Variants in EIF3F observed in about 807,000 individuals in gnomAD.
EIF3F encodes the protein deubiquitinating enzyme eIF3f.
EIF3F carries 8 observed loss-of-function variants against 36.0 expected under a neutral mutation model. That is an observed-to-expected ratio of 0.22 (90% CI 0.13 to 0.40). The LOEUF (loss-of-function observed/expected upper bound fraction) is 0.40, where lower values mean the gene tolerates loss of function less well. EIF3F is among the 10% of genes least tolerant of loss of function. The pLI, the probability that EIF3F is intolerant of heterozygous loss-of-function variation, is 1.00. For missense variants in EIF3F, 430 were observed against 467.6 expected (o/e 0.92, Z 0.74); for synonymous variants, 184 against 188.5 (o/e 0.98, Z 0.19).
At chr11:7,990,858 G>A (rs546037020) in intron 1 of EIF3F, among the ~76,000 whole-genome samples, 7 of 136,056 alleles carry the variant, frequency 5.1e-5, no homozygotes, top group African/African-American at 1.9e-4. Flanking sequence ...AGAAACAAAT[G>A]TAGTGGGAAT....
intron 5 of EIF3F, 134 bp from the exon 6 acceptor site, chr11:7,994,848 C>T (rs980721399): frequency 7.7e-7 from 1 of 1,295,896 alleles, no homozygotes; most frequent in Non-Finnish European, 1.1e-6. Context: ...TGTGACTGAG[C>T]AGACTGAGTC....
In EIF3F at chr11:7,995,411, C is replaced by T. The variant is rs201575950; in HGVS notation, c.996+44C>T. 3 of 1,428,128 alleles carry T rather than the reference C, an allele frequency of 2.1e-6. No individual in the cohort carries two copies. The African/African-American group carries it at 4.2e-5, about 20-fold the overall frequency. 88.5% of individuals were successfully genotyped at this position (1,428,128 alleles called of 1,614,324 possible). On this transcript the variant is annotated intron_variant, in intron 7 of 7. Transcript: ENST00000651655. ...CCCCTTCTTGCCTGGTTTCTTCCCCCACCTCAGCACATACACTCAAATGTG... is the reference window on the plus strand; with the variant it reads ...CCCCTTCTTGCCTGGTTTCTTCCCCTACCTCAGCACATACACTCAAATGTG...
At chr11:7,988,538 A>G (rs1436228386) in intron 1 of EIF3F, among the ~76,000 whole-genome samples, 1 of 152,242 alleles carries the variant, frequency 6.6e-6, no homozygotes, top group Non-Finnish European at 1.5e-5. Flanking sequence ...GATTGTTGAT[A>G]ATAAATTCCT....
In EIF3F at chr11:7,995,000, C is replaced by T; in HGVS notation, c.764C>T (p.Thr255Ile). 1 of 1,613,458 alleles carries T rather than the reference C, an allele frequency of 6.2e-7. No homozygotes were observed. The highest frequency in any genetic ancestry group is 8.5e-7 in the Non-Finnish European group (1 of 1,179,840). The change falls in exon 6 of 8, where the codon ACC becomes ATC. Residue 255 changes from threonine (T) to isoleucine (I), a missense_variant. Transcript: ENST00000651655. The part of the protein sequence containing the change: ...ERIGVDLIMK[T>I]CFSPNRVIGL... The stretch of plus-strand genomic sequence containing the variant: ...TCCATAGTTGACCTGATCATGAAGA[C>T]CTGCTTTAGCCCCAACAGAGTGATT...
rs1243453365 is a variant in EIF3F at position 7,990,404 on chromosome 11, G to A, written c.365-1377G>A. ...TTAATTCTGCCTTTGTAGCAAGAAAGCAGCCATAAAAAAATTGGCGTGTAA... is the reference window on the plus strand; with the variant it reads ...TTAATTCTGCCTTTGTAGCAAGAAAACAGCCATAAAAAAATTGGCGTGTAA... On this transcript the variant is annotated intron_variant, in intron 1 of 7. Coordinates refer to ENST00000651655, the MANE Select transcript of EIF3F (RefSeq NM_003754.3). Among the ~76,000 whole-genome samples the A allele has an allele frequency of 4.6e-5, 7 of 151,752 alleles. No individual in the cohort carries two copies. The East Asian group carries it at 1.2e-3, about 25-fold the overall frequency.
Position 7,996,298 on chromosome 11 carries a change from A to G in EIF3F, c.*276A>G, listed in dbSNP as rs1459744488. ...TGTTTGGCATGTTACTGTTTTACCA[A>G]ACTGTTCTTTTGGTTTTCAATATGG... On this transcript the variant is annotated 3_prime_UTR_variant, in exon 8 of 8. Transcript: ENST00000651655. The G allele has an allele frequency of 3.4e-6, 1 of 296,436 alleles. No homozygotes were observed. Among genetic ancestry groups the G allele is most frequent in the South Asian group, 9.1e-5 (1 of 11,042 alleles). The allele number at this position is 296,436 out of a possible 1,614,324, so 18.4% of individuals were successfully genotyped here.
In EIF3F at chr11:8,001,387, A is replaced by G. The variant is rs1564889138; in HGVS notation, c.*5365A>G. 2 of 152,200 alleles carry G rather than the reference A, an allele frequency of 1.3e-5. No individual in the cohort carries two copies. The highest frequency in any genetic ancestry group is 2.1e-4 in the South Asian group (1 of 4,834). The allele number at this position is 152,200 out of a possible 1,614,324, so 9.4% of individuals were successfully genotyped here. A position where few individuals can be genotyped will look rare whatever the true frequency, so the allele number is the denominator to read the frequency against. ...TCCACTCCTCATTATATATCCTACAAATAAACTGGTCTCGTTATGACACAA... is the reference window on the plus strand; with the variant it reads ...TCCACTCCTCATTATATATCCTACAGATAAACTGGTCTCGTTATGACACAA... On this transcript the variant is annotated 3_prime_UTR_variant, in exon 8 of 8. Coordinates refer to ENST00000651655, the MANE Select transcript of EIF3F (RefSeq NM_003754.3).
At chr11:7,987,790 A>G in intron 1 of EIF3F, 74 bp downstream of exon 1, 1 of 1,386,860 alleles carries the variant, frequency 7.2e-7, no homozygotes, top group Non-Finnish European at 9.4e-7. Context: ...TAACTCATTA[A>G]TTCTTTAATT....
In EIF3F at chr11:7,995,232, G is replaced by C. The variant is rs186189184; in HGVS notation, c.883-22G>C. The C allele has an allele frequency of 1.0e-4, 165 of 1,611,062 alleles. No homozygotes were observed. The African/African-American group carries it at 1.9e-3, about 19-fold the overall frequency. On this transcript the variant is annotated intron_variant, in intron 6 of 7. Coordinates refer to ENST00000651655, the MANE Select transcript of EIF3F (RefSeq NM_003754.3). Reference sequence around the variant, plus strand: ...AGTGGTTATAATTAACTGCCTCATCGAGTCTTTGTTTTGGTACTCAGTCTG... The same window carrying C: ...AGTGGTTATAATTAACTGCCTCATCCAGTCTTTGTTTTGGTACTCAGTCTG...
rs1942098769 is a variant in EIF3F, at chr11:7,991,837, G to C, written c.421G>C (p.Glu141Gln). The change falls in exon 2 of 8, where the codon GAG (glutamate) becomes CAG (glutamine). Residue 141 changes from glutamate to glutamine, a missense_variant. Coordinates refer to ENST00000651655, the MANE Select transcript of EIF3F (RefSeq NM_003754.3). ...CAATTGCTTTTCAGTGCCGCACAAT[G>C]AGTCAGAAGATGAAGTGAGTGGGAA... ...VTNCFSVPHN[E>Q]SEDEVAVDME... The C allele has an allele frequency of 6.2e-7, 1 of 1,614,066 alleles. No homozygotes were observed.
Position 7,987,812 on chromosome 11 carries a change from A to G in EIF3F, c.364+96A>G, listed in dbSNP as rs995499652. ...TTAATTCTTTAATTCCTGGTGTCCT[A>G]CCGTCCTTTCCTCCCATCCCCAATG... On this transcript the variant is annotated intron_variant, in intron 1 of 7. Transcript: ENST00000651655. The G allele has an allele frequency of 1.2e-5, 17 of 1,373,494 alleles. No individual in the cohort carries two copies. In the East Asian group the frequency reaches 2.4e-4, roughly 19 times the overall value. 85.1% of individuals were successfully genotyped at this position (1,373,494 alleles called of 1,614,324 possible).
Position 7,991,765 on chromosome 11 carries a change from A to G in EIF3F, c.365-16A>G. ...CCTAGGATTATATAACACATGGACG[A>G]TTCTCTCTTTCACAGGAACTGTCGA... is the stretch of plus-strand genomic sequence containing the variant. On this transcript the variant is annotated splice_polypyrimidine_tract_variant and intron_variant, in intron 1 of 7. Transcript: ENST00000651655. 6.2e-7 allele frequency: 1 copy of G among 1,614,068 alleles called. No homozygotes were observed.
Position 7,995,603 on chromosome 11 carries a change from C to G in EIF3F, c.996+236C>G, listed in dbSNP as rs1430056906. ...TCATTTACTGCTGATACTACTGTGA[C>G]TTACTGTCTAAATTCGTGATGGAAA... On this transcript the variant is annotated intron_variant, in intron 7 of 7. Transcript: ENST00000651655. The G allele has an allele frequency of 6.8e-6, 4 of 588,338 alleles. No individual in the cohort carries two copies. The African/African-American group carries it at 7.5e-5, about 11-fold the overall frequency. The allele number at this position is 588,338 out of a possible 1,614,324, so 36.4% of individuals were successfully genotyped here.
Position 7,991,766 on chromosome 11 carries a change from T to C in EIF3F, c.365-15T>C, listed in dbSNP as rs1942098030. 3 of 1,614,036 alleles carry C rather than the reference T, an allele frequency of 1.9e-6. No homozygotes were observed. The highest frequency in any genetic ancestry group is 2.5e-6 in the Non-Finnish European group (3 of 1,179,894). ...CTAGGATTATATAACACATGGACGA[T>C]TCTCTCTTTCACAGGAACTGTCGAC... On this transcript the variant is annotated splice_polypyrimidine_tract_variant and intron_variant, in intron 1 of 7. Transcript: ENST00000651655.
At chr11:7,993,336 G>C (rs751666593) in intron 4 of EIF3F, among the ~76,000 whole-genome samples, 2 of 152,118 alleles carry the variant, frequency 1.3e-5, no homozygotes, top group Non-Finnish European at 1.5e-5. Context: ...TGGTATTCTT[G>C]TCATGATCCT....
In EIF3F at chr11:7,987,402, C is replaced by A. The variant is rs758048186; in HGVS notation, c.50C>A (p.Pro17Gln). 5.7e-5 allele frequency: 91 copies of A among 1,600,716 alleles called. No individual in the cohort carries two copies. In the East Asian group the frequency reaches 8.7e-4, roughly 15 times the overall value. The change falls in exon 1 of 8, where the codon CCA (proline) becomes CAA (glutamine). Residue 17 changes from proline to glutamine, a missense_variant. Coordinates refer to ENST00000651655, the MANE Select transcript of EIF3F (RefSeq NM_003754.3). Reference protein sequence around the residue: ...PVSAPPATPTPVPAAAPASVP... With the variant: ...PVSAPPATPTQVPAAAPASVP... ...AGTGCTCCTCCGGCCACGCCAACCC[C>A]AGTCCCGGCGGCGGCCCCAGCCTCA...
intron 1 of EIF3F, among the ~76,000 whole-genome samples, chr11:7,989,111 C>T (rs530264627): frequency 2.0e-5 from 3 of 152,276 alleles, no homozygotes; most frequent in South Asian, 2.1e-4. Context: ...CATTAAGTGC[C>T]GGTCCTCCAT....
At chr11:7,995,670 A>G in intron 7 of EIF3F, 1 of 582,342 alleles carries the variant, frequency 1.7e-6, no homozygotes, top group South Asian at 2.1e-5. Flanking sequence ...GCAATTACTT[A>G]TTTCCCCCAT....
rs973963843 is a variant in EIF3F at position 7,997,524 on chromosome 11, A to G, written c.*1502A>G. ...AACAAGTCCAAATAGATCAGTAATT[A>G]CAATAAATGTATAAGTATTAAACTA... On this transcript the variant is annotated 3_prime_UTR_variant, in exon 8 of 8. Transcript: ENST00000651655. 5.9e-5 allele frequency: 9 copies of G among 152,236 alleles called. No homozygotes were observed. Among genetic ancestry groups the G allele is most frequent in the African/African-American group, 2.2e-4 (9 of 41,470 alleles). The allele number at this position is 152,236 out of a possible 1,614,324, so 9.4% of individuals were successfully genotyped here.
Sources: gnomAD v4.1 joint callset for allele counts (sites outside exome capture counted in the v4.1 genomes callset) on GRCh38, gnomAD v4.1.1 for gene constraint, MANE v1.5 for transcripts, NCBI Gene and HGNC (gene_info 2026-07-23, HGNC 2026-07-21) for gene names.